The following IPO11 variants were observed in gnomAD, a reference collection of about 807,000 sequenced individuals.
The protein encoded by IPO11 is importin 11, also known as importin-11.
In IPO11, 66 loss-of-function variants were observed where a neutral mutation model predicts 143.2. That is an observed-to-expected ratio of 0.46 (90% confidence interval 0.38 to 0.57). The LOEUF (loss-of-function observed/expected upper bound fraction) is 0.57. Ranked by LOEUF, IPO11 falls within the 20% of genes least tolerant of loss-of-function variation. The pLI, the probability that IPO11 is intolerant of heterozygous loss-of-function variation, is 0.00. For synonymous variants in IPO11, 385 were observed against 377.8 expected, an observed-to-expected ratio of 1.02 and a Z score of -0.22; for missense variants, 1,026 against 1,141.0, an observed-to-expected ratio of 0.90 and a Z score of 1.45.
At chr5:62,578,055 C>G (rs1365927846) in intron 27 of IPO11, among the ~76,000 whole-genome samples, 1 of 152,026 alleles carries the variant, frequency 6.6e-6, no homozygotes, top group East Asian at 1.9e-4. Flanking sequence ...CTAAAAGATT[C>G]AAACTGATAC....
rs1465139561 is a variant in IPO11 at position 62,627,539 on chromosome 5, G to C, written c.*221G>C. 4 of 397,720 alleles carry C rather than the reference G, an allele frequency of 1.0e-5. No individual in the cohort carries two copies. The highest frequency in any genetic ancestry group is 4.3e-5 in the Admixed American group (1 of 23,338). 24.6% of individuals were successfully genotyped at this position (397,720 alleles called of 1,614,324 possible). A position where few individuals can be genotyped will look rare whatever the true frequency, so the allele number is the denominator to read the frequency against. ...AATTTAATTTTATATTTATGAGGGGGCCCTTCACTAAAAAGTACATGTAAA... is the reference window on the plus strand; with the variant it reads ...AATTTAATTTTATATTTATGAGGGGCCCCTTCACTAAAAAGTACATGTAAA... On this transcript the variant is annotated 3_prime_UTR_variant, in exon 30 of 30. Coordinates refer to ENST00000325324, the MANE Select transcript of IPO11 (RefSeq NM_016338.5).
At position 62,442,678 on chromosome 5, in the gene IPO11, G is replaced by T. The variant is rs377196569; in HGVS notation, c.139-305G>T. On this transcript the variant is annotated intron_variant, in intron 2 of 29. Transcript: ENST00000325324. ...GGTCGAGACCAGCCTGGCCAGCATG[G>T]TGAAACCCTGTCTCTACAAAAAAAA... 1.6e-4 allele frequency among the ~76,000 whole-genome samples: 24 copies of T among 152,148 alleles called. 1 individual carries two copies. The East Asian group carries it at 1.9e-3, about 12-fold the overall frequency.
chr5:62,614,495 G>A (rs1235873193), intron 29 of IPO11, among the ~76,000 whole-genome samples: 1 of 152,218 alleles, frequency 6.6e-6, no homozygotes, highest in Non-Finnish European at 1.5e-5. Context: ...TCTGCAGTAC[G>A]TAGAACTGAA....
At chr5:62,493,386 T>G (rs553898634) in intron 15 of IPO11, among the ~76,000 whole-genome samples, 1 of 152,278 alleles carries the variant, frequency 6.6e-6, no homozygotes, top group African/African-American at 2.4e-5. Context: ...TTACTTGAGC[T>G]AAAACCAAAT....
intron 26 of IPO11, among the ~76,000 whole-genome samples, chr5:62,559,238 G>A (rs944467737): frequency 6.6e-6 from 1 of 152,074 alleles, no homozygotes; most frequent in African/African-American, 2.4e-5. Context: ...TGAGAGGATT[G>A]ACTCCAGTTG....
At chr5:62,499,983 G>A (rs943262060) in intron 16 of IPO11, among the ~76,000 whole-genome samples, 6 of 152,110 alleles carry the variant, frequency 3.9e-5, no homozygotes, top group African/African-American at 1.4e-4. Context: ...CATCTCCTAT[G>A]ATAACAATGC....
At chr5:62,570,971 A>G (rs1332177621) in intron 27 of IPO11, among the ~76,000 whole-genome samples, 1 of 152,152 alleles carries the variant, frequency 6.6e-6, no homozygotes, top group African/African-American at 2.4e-5. Context: ...CAGAGCCTCA[A>G]AGTAGTTGAT....
At chr5:62,552,744 A>C (rs1236079137) in intron 26 of IPO11, among the ~76,000 whole-genome samples, 1 of 152,180 alleles carries the variant, frequency 6.6e-6, no homozygotes, top group Admixed American at 6.5e-5. Context: ...CTTCCCTTGC[A>C]TTAGTTCATG....
chr5:62,606,714 G>A (rs1036828404), intron 29 of IPO11, among the ~76,000 whole-genome samples: 3 of 152,146 alleles, frequency 2.0e-5, no homozygotes, highest in African/African-American at 4.8e-5. Context: ...GCATGCGCCT[G>A]TAGTCCCATC....
intron 24 of IPO11, 128 bp from the exon 25 acceptor site, chr5:62,550,239 C>T (rs990015688): frequency 3.5e-6 from 2 of 579,100 alleles, no homozygotes; most frequent in Admixed American, 3.1e-5. Context: ...TATTGCATAC[C>T]CTGCATACGT....
intron 21 of IPO11, among the ~76,000 whole-genome samples, chr5:62,529,230 A>G (rs537037838): frequency 1.3e-5 from 2 of 152,214 alleles, no homozygotes; most frequent in African/African-American, 4.8e-5. Context: ...TTTGTTTCTA[A>G]GAAAATTGGA....
chr5:62,590,954 C>T lies in IPO11; in HGVS notation c.2583-623C>T, dbSNP rs116314373. 6.6e-3 allele frequency among the ~76,000 whole-genome samples: 1,008 copies of T among 152,134 alleles called. 14 individuals are homozygous for T. Among genetic ancestry groups the T allele is most frequent in the African/African-American group, 0.021 (861 of 41,514 alleles). On this transcript the variant is annotated intron_variant, in intron 27 of 29. Coordinates refer to ENST00000325324, the MANE Select transcript of IPO11 (RefSeq NM_016338.5). Reference sequence around the variant, plus strand: ...TGTTTCTTTTAAGAGACAGGTCTCTCTGTGTTGTCCAGGCTGGAGAGCAGT... The same window carrying T: ...TGTTTCTTTTAAGAGACAGGTCTCTTTGTGTTGTCCAGGCTGGAGAGCAGT...
chr5:62,557,705 G>T (rs1743625930), intron 26 of IPO11, among the ~76,000 whole-genome samples: 1 of 151,976 alleles, frequency 6.6e-6, no homozygotes, highest in Non-Finnish European at 1.5e-5. Flanking sequence ...CATTGTGCTG[G>T]TACCTAGAAT....
At chr5:62,496,174 G>T (rs989548735) in intron 16 of IPO11, among the ~76,000 whole-genome samples, 2 of 151,938 alleles carry the variant, frequency 1.3e-5, no homozygotes, top group African/African-American at 4.8e-5. Context: ...TGTAGTCCCA[G>T]TTACTTGGGA....
intron 21 of IPO11, among the ~76,000 whole-genome samples, chr5:62,527,083 T>C (rs1742394057): frequency 6.6e-6 from 1 of 152,158 alleles, no homozygotes; most frequent in African/African-American, 2.4e-5. Context: ...TATCAGAATA[T>C]GAGATGAATG....
chr5:62,480,421 G>A (rs12521490), intron 9 of IPO11, among the ~76,000 whole-genome samples: 3,110 of 152,262 alleles, frequency 0.02, 183 homozygotes, highest in East Asian at 0.19. Context: ...CGGCAATGCG[G>A]GCTTTTTTTT....
intron 20 of IPO11, among the ~76,000 whole-genome samples, chr5:62,519,698 A>G (rs534268016): frequency 6.6e-6 from 1 of 152,336 alleles, no homozygotes; most frequent in South Asian, 2.1e-4. Flanking sequence ...TTAAAACAAT[A>G]TGCATTTATT....
intron 19 of IPO11, among the ~76,000 whole-genome samples, chr5:62,508,537 C>CTTCTTCCTTCT (rs1287448457): frequency 1.3e-5 from 2 of 151,422 alleles, no homozygotes; most frequent in Non-Finnish European, 2.9e-5. Context: ...CTTTGTCTTC[C>CTTCTTCCTTCT]TTCTTCCTTC....
At chr5:62,418,936 T>TC in intron 1 of IPO11, 1 of 1,494,904 alleles carries the variant, frequency 6.7e-7, no homozygotes, top group East Asian at 2.5e-5. Flanking sequence ...CACGAGTTGC[T>TC]TAAGGCTGGG....
Sources: allele counts gnomAD v4.1 joint callset (sites outside exome capture counted in the v4.1 genomes callset), GRCh38; gene constraint gnomAD v4.1.1; transcripts MANE v1.5; gene names NCBI Gene and HGNC (gene_info 2026-07-23, HGNC 2026-07-21).